Variants in FHIT observed in about 807,000 individuals in gnomAD.
The protein encoded by FHIT is bis(5'-adenosyl)-triphosphatase.
A neutral mutation model predicts 17.9 loss-of-function variants in FHIT; 19 were observed. That is an observed-to-expected ratio of 1.06 (90% confidence interval 0.74 to 1.56). The LOEUF is 1.56. Ranked by LOEUF, FHIT falls within the 40% of genes most tolerant of loss-of-function variation. The pLI, the probability that FHIT is intolerant of heterozygous loss-of-function variation, is 0.00. For missense variants in FHIT, 248 were observed against 189.2 expected (o/e 1.31, Z -1.82); for synonymous variants, 81 against 69.7 (o/e 1.16, Z -0.81).
At chr3:60,518,918 G>C (rs2035257423) in intron 5 of FHIT, among the ~76,000 whole-genome samples, 1 of 152,162 alleles carries the variant, frequency 6.6e-6, no homozygotes, top group Non-Finnish European at 1.5e-5. Context: ...CAGGAGAATT[G>C]CTTGAACCCA....
chr3:60,431,505 T>C (rs1355385901), intron 5 of FHIT, among the ~76,000 whole-genome samples: 1 of 151,994 alleles, frequency 6.6e-6, no homozygotes, highest in Non-Finnish European at 1.5e-5. Context: ...TCTCCCCACC[T>C]CCCACACATA....
chr3:60,899,287 T>C lies in FHIT; in HGVS notation c.-110-77276A>G, dbSNP rs145807914. Among the ~76,000 whole-genome samples, 3 of 152,324 alleles carry C rather than the reference T, an allele frequency of 2.0e-5. No homozygotes were observed. The East Asian group carries it at 5.8e-4, about 29-fold the overall frequency. ...ATTGCAATGTTTTCCTCGGAGTTGA[T>C]CACATTTGCATATCTTTTTACACTT... On this transcript the variant is annotated intron_variant, in intron 3 of 9. Transcript: ENST00000492590.
At chr3:60,180,266 GTGCTGT>G (rs2107438725) in intron 5 of FHIT, among the ~76,000 whole-genome samples, 1 of 152,226 alleles carries the variant, frequency 6.6e-6, no homozygotes, top group South Asian at 2.1e-4. Context: ...AAAATATACC[GTGCTGT>G]TGCAACAAAA....
chr3:59,914,814 C>G (rs1166287512), intron 8 of FHIT, among the ~76,000 whole-genome samples: 3 of 146,098 alleles, frequency 2.1e-5, no homozygotes, highest in Admixed American at 6.9e-5. Flanking sequence ...TTCCAATAGT[C>G]TTTTTTTTTT....
At chr3:60,678,694 C>T (rs1392539686) in intron 4 of FHIT, among the ~76,000 whole-genome samples, 1 of 152,134 alleles carries the variant, frequency 6.6e-6, no homozygotes, top group African/African-American at 2.4e-5. Context: ...GATTATGATC[C>T]TAAGTTGAAA....
chr3:60,751,400 G>A (rs6446152), intron 4 of FHIT, among the ~76,000 whole-genome samples: 140,462 of 152,286 alleles, frequency 0.92, 64,874 homozygotes, highest in African/African-American at 0.97. Flanking sequence ...ATGCTTCTAT[G>A]AGAATCACAT....
chr3:60,956,962 G>T (rs1041848935), intron 3 of FHIT, among the ~76,000 whole-genome samples: 14 of 152,256 alleles, frequency 9.2e-5, no homozygotes, highest in Admixed American at 3.3e-4. Flanking sequence ...CCTTTGGGTA[G>T]AAGAGCAGGT....
At chr3:60,371,184 T>C (rs555983855) in intron 5 of FHIT, among the ~76,000 whole-genome samples, 3 of 152,220 alleles carry the variant, frequency 2.0e-5, no homozygotes, top group Non-Finnish European at 2.9e-5. Flanking sequence ...TGTCCTCTAT[T>C]AGACTGTAAA....
At chr3:60,219,359 G>A (rs1282998304) in intron 5 of FHIT, among the ~76,000 whole-genome samples, 2 of 151,982 alleles carry the variant, frequency 1.3e-5, no homozygotes, top group Non-Finnish European at 2.9e-5. Flanking sequence ...TTTCATCTGT[G>A]TAACAAGTAT....
intron 5 of FHIT, among the ~76,000 whole-genome samples, chr3:60,294,825 G>T (rs934696189): frequency 6.6e-6 from 1 of 152,124 alleles, no homozygotes; most frequent in African/African-American, 2.4e-5. Context: ...TTTACGCTCA[G>T]TGAAGTTCTC....
At chr3:60,343,468 G>C (rs949355301) in intron 5 of FHIT, among the ~76,000 whole-genome samples, 1 of 152,082 alleles carries the variant, frequency 6.6e-6, no homozygotes, top group African/African-American at 2.4e-5. Context: ...ATTTTTACCT[G>C]TACCAAGTCT....
chr3:60,946,380 T>C (rs1253874660), intron 3 of FHIT, among the ~76,000 whole-genome samples: 1 of 152,168 alleles, frequency 6.6e-6, no homozygotes, highest in African/African-American at 2.4e-5. Flanking sequence ...CTGAATGACA[T>C]TTAGCATCCT....
At chr3:60,015,030 ACT>A (rs907935025) in intron 5 of FHIT, among the ~76,000 whole-genome samples, 4 of 152,226 alleles carry the variant, frequency 2.6e-5, no homozygotes, top group Non-Finnish European at 4.4e-5. Flanking sequence ...ATATACACAC[ACT>A]ATATATATAA....
At chr3:59,995,814 G>A (rs573107001) in intron 7 of FHIT, among the ~76,000 whole-genome samples, 2 of 152,164 alleles carry the variant, frequency 1.3e-5, no homozygotes, top group South Asian at 2.1e-4. Context: ...CACTTGCTTA[G>A]ATAGCTTAGG....
chr3:60,238,886 A>C, intron 5 of FHIT, among the ~76,000 whole-genome samples: 1 of 152,206 alleles, frequency 6.6e-6, no homozygotes, highest in East Asian at 1.9e-4. Flanking sequence ...TGCATTAGGA[A>C]TGGAGCTGAT....
intron 1 of FHIT, among the ~76,000 whole-genome samples, chr3:61,204,705 G>T (rs1560070277): frequency 6.6e-6 from 1 of 152,118 alleles, no homozygotes; most frequent in Non-Finnish European, 1.5e-5. Flanking sequence ...GAAAAGAAAA[G>T]TGTGGATAAG....
intron 5 of FHIT, among the ~76,000 whole-genome samples, chr3:60,105,429 C>T (rs1048410684): frequency 4.6e-5 from 7 of 152,234 alleles, no homozygotes; most frequent in African/African-American, 1.7e-4. Context: ...CAGAGAAACA[C>T]TTTTATTTCT....
chr3:61,015,596 TG>T (rs1457436690), intron 3 of FHIT, among the ~76,000 whole-genome samples: 3 of 152,226 alleles, frequency 2.0e-5, no homozygotes, highest in African/African-American at 7.2e-5. Flanking sequence ...ATCAGCACTC[TG>T]GAACTTGGTT....
At chr3:59,997,098 T>G (rs1699543718) in intron 7 of FHIT, among the ~76,000 whole-genome samples, 1 of 152,132 alleles carries the variant, frequency 6.6e-6, no homozygotes, top group Admixed American at 6.6e-5. Flanking sequence ...CAATAAATAC[T>G]TGTTCCTATA....
Sources: gnomAD v4.1 joint callset for allele counts (sites outside exome capture counted in the v4.1 genomes callset) on GRCh38, gnomAD v4.1.1 for gene constraint, MANE v1.5 for transcripts, NCBI Gene and HGNC (gene_info 2026-07-23, HGNC 2026-07-21) for gene names.